PEAK1: variants seen among roughly 807,000 people sequenced by gnomAD.
The protein encoded by PEAK1 is pseudopodium enriched atypical kinase 1.
A neutral mutation model predicts 124.7 loss-of-function variants in PEAK1; 54 were observed. That is an observed-to-expected ratio of 0.43 (90% CI 0.35 to 0.54). PEAK1 has a LOEUF of 0.54. PEAK1 is among the 20% of genes least tolerant of loss of function. The pLI is 0.01. For missense variants in PEAK1, 2,046 were observed against 2,134.5 expected (o/e 0.96, Z 0.82); for synonymous variants, 719 against 760.0 (o/e 0.95, Z 0.89).
chr15:77,136,082 T>TG (rs1285884390), intron 8 of PEAK1, among the ~76,000 whole-genome samples: 5 of 152,190 alleles, frequency 3.3e-5, no homozygotes, highest in African/African-American at 4.8e-5. Context: ...ACTTGTTGAA[T>TG]GGCTTTGACA....
intron 8 of PEAK1, chr15:77,156,851 T>C (rs1044408853): frequency 6.6e-6 from 1 of 152,206 alleles, no homozygotes; most frequent in African/African-American, 2.4e-5. Context: ...ATTTTCATTT[T>C]ATAATATGCC....
intron 1 of PEAK1, among the ~76,000 whole-genome samples, chr15:77,388,120 A>T (rs8037561): frequency 6.6e-6 from 1 of 151,898 alleles, no homozygotes; most frequent in African/African-American, 2.4e-5. Context: ...CTTGAGCCCA[A>T]GAGGTAAAAG....
chr15:77,334,102 G>A (rs2141265075), intron 2 of PEAK1: 1 of 865,142 alleles, frequency 1.2e-6, no homozygotes, highest in African/African-American at 1.8e-5. Flanking sequence ...AAAATAATTT[G>A]TACTTGTTTT....
intron 6 of PEAK1, among the ~76,000 whole-genome samples, chr15:77,196,001 G>T (rs1339146833): frequency 6.6e-6 from 1 of 152,212 alleles, no homozygotes; most frequent in Non-Finnish European, 1.5e-5. Context: ...AGCAGCTGGT[G>T]AGCCTTGCTA....
At chr15:77,266,015 C>G (rs1309482546) in intron 5 of PEAK1, among the ~76,000 whole-genome samples, 9 of 151,980 alleles carry the variant, frequency 5.9e-5, no homozygotes, top group Admixed American at 5.9e-4. Flanking sequence ...AAAAACCAAA[C>G]ACCGCATATT....
chr15:77,377,712 C>T (rs1018475649), intron 1 of PEAK1, among the ~76,000 whole-genome samples: 5 of 152,076 alleles, frequency 3.3e-5, no homozygotes, highest in South Asian at 2.1e-4. Flanking sequence ...TCAGGTGATC[C>T]GCCCACTTTG....
chr15:77,179,294 G>A lies in PEAK1; in HGVS notation c.2633C>T (p.Ser878Phe). 1.9e-6 allele frequency: 3 copies of A among 1,614,052 alleles called. No homozygotes were observed. Among genetic ancestry groups the A allele is most frequent in the East Asian group, 4.5e-5 (2 of 44,868 alleles). ...APFPPPRSTS[S>F]PYHAGNLLQR... The stretch of plus-strand genomic sequence containing the variant: ...CAAAAGGTTACCTGCATGGTAAGGA[G>A]AAGAAGTAGAGCGTGGCGGGGGAAA... The change falls in exon 7 of 10, where the codon TCT becomes TTT. Residue 878 changes from serine (S) to phenylalanine (F), a missense_variant. Coordinates refer to ENST00000682557, the MANE Select transcript of PEAK1 (RefSeq NM_001385026.1).
rs377464457 is a variant in PEAK1, at chr15:77,181,974, CA to C, written c.-49del. On this transcript the variant is annotated 5_prime_UTR_variant, in exon 7 of 10. The change creates a premature stop within an existing upstream ORF in the 5' untranslated region. Coordinates refer to ENST00000682557, the MANE Select transcript of PEAK1 (RefSeq NM_001385026.1). ...ACAATGCTTTTCTTTCAGTGCATGA[CA>C]AAACTTTCATCTGTTAGTTTTCACT... 4.7e-4 allele frequency: 712 copies of C among 1,512,158 alleles called. 5 individuals carry two copies. The African/African-American group carries it at 9.0e-3, about 19-fold the overall frequency. 93.7% of individuals were successfully genotyped at this position (1,512,158 alleles called of 1,614,324 possible). A position where few individuals can be genotyped will look rare whatever the true frequency, so the allele number is the denominator to read the frequency against.
intron 2 of PEAK1, among the ~76,000 whole-genome samples, chr15:77,295,088 T>C (rs543216943): frequency 3.9e-4 from 60 of 152,258 alleles, no homozygotes; most frequent in African/African-American, 1.0e-3. Flanking sequence ...AGTAGAAGCA[T>C]TGAATATTAG....
intron 2 of PEAK1, among the ~76,000 whole-genome samples, chr15:77,343,482 C>CTTTTTTTTTTTT (rs60121928): frequency 1.0e-5 from 1 of 97,954 alleles, no homozygotes; most frequent in Non-Finnish European, 2.1e-5. Flanking sequence ...GTCCAACTTA[C>CTTTTTTTTTTTT]TTTTTTTTTT....
chr15:77,191,059 C>T (rs1391204217), intron 6 of PEAK1, among the ~76,000 whole-genome samples: 2 of 152,128 alleles, frequency 1.3e-5, no homozygotes, highest in African/African-American at 4.8e-5. Context: ...TACGTCAACA[C>T]TGACAGAGCA....
intron 2 of PEAK1, among the ~76,000 whole-genome samples, chr15:77,291,834 C>T (rs1479206182): frequency 1.3e-5 from 2 of 151,790 alleles, no homozygotes; most frequent in Non-Finnish European, 2.9e-5. Context: ...AAAATTAGCC[C>T]GGCATGTTGG....
At chr15:77,374,588 T>C (rs1272910983) in intron 1 of PEAK1, among the ~76,000 whole-genome samples, 1 of 152,114 alleles carries the variant, frequency 6.6e-6, no homozygotes, top group Non-Finnish European at 1.5e-5. Context: ...AATTTTGAAC[T>C]TATAAATGGT....
intron 2 of PEAK1, chr15:77,347,959 T>C (rs1051177810): frequency 1.0e-6 from 1 of 985,012 alleles, no homozygotes; most frequent in Non-Finnish European, 1.2e-6. Flanking sequence ...TTCCCAAACA[T>C]ACTGTATAGG....
chr15:77,150,654 C>A, intron 8 of PEAK1, among the ~76,000 whole-genome samples: 1 of 112,496 alleles, frequency 8.9e-6, no homozygotes, highest in Non-Finnish European at 1.7e-5. Context: ...TAATGCTATC[C>A]CTCCCCCCTC....
chr15:77,414,377 T>C (rs2072702333), intron 1 of PEAK1, among the ~76,000 whole-genome samples: 1 of 150,226 alleles, frequency 6.7e-6, no homozygotes, highest in African/African-American at 2.5e-5. Context: ...GCCTAGCTAA[T>C]TTTTTGTATT....
intron 2 of PEAK1, among the ~76,000 whole-genome samples, chr15:77,312,882 G>A (rs1458077501): frequency 6.6e-6 from 1 of 152,228 alleles, no homozygotes; most frequent in Non-Finnish European, 1.5e-5. Flanking sequence ...AAGGGAGAAG[G>A]AAGGGAAGGA....
intron 2 of PEAK1, among the ~76,000 whole-genome samples, chr15:77,326,146 T>C (rs1401223701): frequency 6.6e-6 from 1 of 152,146 alleles, no homozygotes; most frequent in East Asian, 1.9e-4. Context: ...TAGCCATCTA[T>C]CTTGAACAAT....
At chr15:77,333,952 GTTAA>G in intron 2 of PEAK1, 1 of 394,910 alleles carries the variant, frequency 2.5e-6, no homozygotes, top group Non-Finnish European at 3.4e-6. Context: ...AATCAAAAAT[GTTAA>G]TTAGATTTTG....
Sources: allele counts gnomAD v4.1 joint callset (sites outside exome capture counted in the v4.1 genomes callset), GRCh38; gene constraint gnomAD v4.1.1; transcripts MANE v1.5; gene names NCBI Gene and HGNC (gene_info 2026-07-23, HGNC 2026-07-21).